The following MED14 variants were observed in gnomAD, a reference collection of about 807,000 sequenced individuals.
MED14 encodes the protein mediator of RNA polymerase II transcription subunit 14.
Under a neutral mutation model 109.0 loss-of-function variants are expected in MED14, and 8 were observed. The observed-to-expected ratio is 0.07, with a 90% CI of 0.04 to 0.13. The LOEUF is 0.13. MED14 is among the 10% of genes least tolerant of loss of function. The pLI, the probability that MED14 is intolerant of heterozygous loss-of-function variation, is 1.00. For synonymous variants in MED14, 399 were observed against 408.7 expected (o/e 0.98, Z 0.29); for missense variants, 711 against 1,142.4 (o/e 0.62, Z 5.44).
In MED14 at chrX:40,692,915, A is replaced by C; in HGVS notation, c.1651-13T>G. ...ACATCTCCACAACCTAAAAATCCCA[A>C]AAAGAAATAAGACTTAGAGAAATAA... is the stretch of plus-strand genomic sequence containing the variant. On this transcript the variant is annotated splice_polypyrimidine_tract_variant and intron_variant, in intron 13 of 30. Transcript: ENST00000324817. The C allele has an allele frequency of 8.9e-7, 1 of 1,127,012 alleles. No homozygotes were observed. The highest frequency in any genetic ancestry group is 1.2e-6 in the Non-Finnish European group (1 of 852,336). 92.9% of individuals were successfully genotyped at this position (1,127,012 alleles called of 1,213,427 possible). A position where few individuals can be genotyped will look rare whatever the true frequency, so the allele number is the denominator to read the frequency against.
At chrX:40,702,337 ATAAGT>A (rs1930967704) in intron 11 of MED14, among the ~76,000 whole-genome samples, 2 of 104,212 alleles carry the variant, frequency 1.9e-5, no homozygotes, top group Admixed American at 2.1e-4. Flanking sequence ...ACAGTTAAAT[ATAAGT>A]TTTGTTTTTT....
intron 3 of MED14, among the ~76,000 whole-genome samples, chrX:40,725,021 C>T (rs909917250): frequency 1.8e-5 from 2 of 111,483 alleles, no homozygotes; most frequent in Non-Finnish European, 3.8e-5. Flanking sequence ...TCATTAGTGG[C>T]TACTGTAAGC....
At chrX:40,675,857 G>C (rs1929892861) in intron 21 of MED14, among the ~76,000 whole-genome samples, 1 of 111,915 alleles carries the variant, frequency 8.9e-6, no homozygotes. Flanking sequence ...GGACAGCCTT[G>C]TTTTACATAT....
At position 40,651,104 on chromosome X, in the gene MED14, A is replaced by C; in HGVS notation, c.*702T>G. 4.0e-6 allele frequency: 3 copies of C among 749,135 alleles called. No homozygotes were observed. The highest frequency in any genetic ancestry group is 4.7e-6 in the Non-Finnish European group (3 of 634,563). The allele number at this position is 749,135 out of a possible 1,213,427, so 61.7% of individuals were successfully genotyped here. ...AATGTTAACCACTAGTCAAGTTAGG[A>C]ATGTCTGAAGAAAATATATTAACCT... On this transcript the variant is annotated 3_prime_UTR_variant, in exon 31 of 31. Transcript: ENST00000324817.
At chrX:40,670,844 A>C (rs1444874219) in intron 23 of MED14, among the ~76,000 whole-genome samples, 1 of 112,089 alleles carries the variant, frequency 8.9e-6, no homozygotes, top group African/African-American at 3.2e-5. Flanking sequence ...GAAAACTTAA[A>C]AGCAGATGTA....
intron 3 of MED14, among the ~76,000 whole-genome samples, chrX:40,724,155 T>C (rs758682413): frequency 8.9e-6 from 1 of 112,319 alleles, no homozygotes; most frequent in East Asian, 2.8e-4. Flanking sequence ...TGTAAACATA[T>C]ATGTATCCAA....
chrX:40,668,315 G>A (rs1028752247), intron 23 of MED14, among the ~76,000 whole-genome samples: 9 of 103,312 alleles, frequency 8.7e-5, no homozygotes, highest in African/African-American at 2.8e-4. Flanking sequence ...CCCAGAAGGC[G>A]GAGGTTGCAG....
At chrX:40,671,995 T>C (rs1444325102) in intron 22 of MED14, 23 bp from the exon 23 acceptor site, 7 of 1,082,328 alleles carry the variant, frequency 6.5e-6, no homozygotes, top group Non-Finnish European at 8.9e-6. Flanking sequence ...AAATTAAATG[T>C]TGGTAAAATG....
intron 28 of MED14, among the ~76,000 whole-genome samples, chrX:40,655,653 T>G (rs1177336707): frequency 8.9e-6 from 1 of 112,463 alleles, no homozygotes; most frequent in Non-Finnish European, 1.9e-5. Flanking sequence ...TGAAAGATTT[T>G]TAAATTATAT....
rs1928774464 is a variant in MED14 at position 40,649,367 on chromosome X, G to A, written c.*2439C>T. ...TAGCGACTTGACACGTTCTGCTGAA[G>A]CTCTCACTTTTCTTCTAATTCTGAA... is the stretch of plus-strand genomic sequence containing the variant. On this transcript the variant is annotated 3_prime_UTR_variant, in exon 31 of 31. Coordinates refer to ENST00000324817, the MANE Select transcript of MED14 (RefSeq NM_004229.4). The A allele has an allele frequency of 6.5e-6, 1 of 154,335 alleles. No individual in the cohort carries two copies. Among genetic ancestry groups the A allele is most frequent in the Non-Finnish European group, 1.2e-5 (1 of 80,970 alleles). 12.7% of individuals were successfully genotyped at this position (154,335 alleles called of 1,213,427 possible). A position where few individuals can be genotyped will look rare whatever the true frequency, so the allele number is the denominator to read the frequency against.
In MED14 at chrX:40,692,689, T is replaced by C. The variant is rs1486191414; in HGVS notation, c.1845+19A>G. 8.4e-7 allele frequency: 1 copy of C among 1,186,150 alleles called. No homozygotes were observed. The highest frequency in any genetic ancestry group is 3.0e-5 in the East Asian group (1 of 33,140). ...TTAACACACACAAATTCTGTGCTCA[T>C]TTTCATATGGAATCATACCTTGCGC... On this transcript the variant is annotated intron_variant, in intron 14 of 30. Coordinates refer to ENST00000324817, the MANE Select transcript of MED14 (RefSeq NM_004229.4).
chrX:40,696,344 G>A lies in MED14; in HGVS notation c.1650+680C>T, dbSNP rs770880202. Among the ~76,000 whole-genome samples, 28 of 109,059 alleles carry A rather than the reference G, an allele frequency of 2.6e-4. No homozygotes were observed. In the South Asian group the frequency reaches 0.011, roughly 44 times the overall value. The allele number at this position is 109,059 out of a possible 115,157, so 94.7% of individuals were successfully genotyped here. A position where few individuals can be genotyped will look rare whatever the true frequency, so the allele number is the denominator to read the frequency against. On this transcript the variant is annotated intron_variant, in intron 13 of 30. Transcript: ENST00000324817. ...TTTAGTAGAAACAGGATTTCACTGT[G>A]TTAGCCAGGATGGTCTCAATCTCCT...
chrX:40,654,806 CAATT>C (rs1318507657), intron 29 of MED14, 125 bp downstream of exon 29: 31 of 888,847 alleles, frequency 3.5e-5, no homozygotes, highest in Non-Finnish European at 4.8e-5. Context: ...TCTACGCTGA[CAATT>C]AAGGAATCCT....
At chrX:40,726,688 T>A (rs1931905014) in intron 3 of MED14, 58 bp downstream of exon 3, 1 of 930,526 alleles carries the variant, frequency 1.1e-6, no homozygotes, top group South Asian at 2.3e-5. Context: ...TAAAACTATG[T>A]CTATCATAAC....
chrX:40,706,970 GA>G (rs1198820664), intron 10 of MED14, among the ~76,000 whole-genome samples: 2 of 111,906 alleles, frequency 1.8e-5, no homozygotes, highest in African/African-American at 6.5e-5. Flanking sequence ...TCTTCTTTAA[GA>G]ACAAAAGAGT....
At chrX:40,708,661 G>A (rs1294286914) in intron 10 of MED14, among the ~76,000 whole-genome samples, 1 of 111,966 alleles carries the variant, frequency 8.9e-6, no homozygotes, top group African/African-American at 3.2e-5. Context: ...ATGATGTTGC[G>A]AACCTATATT....
chrX:40,674,340 G>A (rs1284401484), intron 22 of MED14, among the ~76,000 whole-genome samples: 1 of 112,082 alleles, frequency 8.9e-6, no homozygotes, highest in East Asian at 2.8e-4. Context: ...CTTCTAGTAA[G>A]AATCTAGTAC....
chrX:40,710,517 C>T (rs948776002), intron 8 of MED14, among the ~76,000 whole-genome samples: 1 of 111,343 alleles, frequency 9.0e-6, no homozygotes, highest in African/African-American at 3.3e-5. Context: ...TTGAGAGTTA[C>T]AAACAGTCCA....
chrX:40,707,154 G>T (rs897845941), intron 10 of MED14, among the ~76,000 whole-genome samples: 12 of 105,842 alleles, frequency 1.1e-4, no homozygotes, highest in Non-Finnish European at 1.8e-4. Flanking sequence ...GATAGATAGA[G>T]ACCAGCCTGG....
Sources: gnomAD v4.1 joint callset for allele counts (sites outside exome capture counted in the v4.1 genomes callset) on GRCh38, gnomAD v4.1.1 for gene constraint, MANE v1.5 for transcripts, NCBI Gene and HGNC (gene_info 2026-07-23, HGNC 2026-07-21) for gene names.